TMPRSS7: variants seen among roughly 807,000 people sequenced by gnomAD.
TMPRSS7 encodes the protein transmembrane serine protease 7.
Under a neutral mutation model 95.6 loss-of-function variants are expected in TMPRSS7, and 81 were observed. The ratio of observed to expected loss-of-function variants is 0.85; its 90% CI spans 0.71 to 1.02. The LOEUF is 1.02. Ranked by LOEUF, TMPRSS7 falls within the 50% of genes least tolerant of loss-of-function variation. TMPRSS7 has a pLI of 0.00. For synonymous variants in TMPRSS7, 364 were observed against 337.8 expected, an observed-to-expected ratio of 1.08 and a Z score of -0.85; for missense variants, 945 against 955.2, an observed-to-expected ratio of 0.99 and a Z score of 0.14.
chr3:112,075,704 C>A (rs2073703821), intron 15 of TMPRSS7, among the ~76,000 whole-genome samples: 2 of 152,204 alleles, frequency 1.3e-5, no homozygotes, highest in Admixed American at 6.5e-5. Flanking sequence ...AATGAATAGG[C>A]TTTTACTAAG....
chr3:112,038,513 C>G (rs776856271), intron 2 of TMPRSS7, among the ~76,000 whole-genome samples, 192 bp downstream of exon 2: 1 of 152,154 alleles, frequency 6.6e-6, no homozygotes, highest in Non-Finnish European at 1.5e-5. Context: ...CTCTGTCACC[C>G]AGGCTGGAGT....
intron 1 of TMPRSS7, 40 bp downstream of exon 1, chr3:112,034,933 A>G (rs2107733549): frequency 1.4e-6 from 1 of 702,594 alleles, no homozygotes; most frequent in East Asian, 2.7e-5. Flanking sequence ...CTTGAATGCC[A>G]TTTATTGTTG....
chr3:112,063,601 C>T, exon 12 of TMPRSS7: 1 of 1,614,050 alleles, frequency 6.2e-7, no homozygotes, highest in Non-Finnish European at 8.5e-7. Context: ...GAGTAAATGA[C>T]TGCTTTGATG....
chr3:112,038,073 T>C (rs1443586174), exon 2 of TMPRSS7: 2 of 701,540 alleles, frequency 2.9e-6, no homozygotes, highest in Non-Finnish European at 5.2e-6. Context: ...TTTTTGAAGA[T>C]ATCCAATATC....
At chr3:112,043,448 A>G (rs1364001207) in intron 3 of TMPRSS7, among the ~76,000 whole-genome samples, 1 of 152,156 alleles carries the variant, frequency 6.6e-6, no homozygotes, top group Non-Finnish European at 1.5e-5. Flanking sequence ...ATAGGTGAAA[A>G]AGAAAAAGAA....
chr3:112,075,607 A>C lies in TMPRSS7; in HGVS notation c.1955+115A>C, dbSNP rs954720424. The C allele has an allele frequency of 3.1e-6, 3 of 977,730 alleles. No homozygotes were observed. The African/African-American group carries it at 5.0e-5, about 16-fold the overall frequency. The allele number at this position is 977,730 out of a possible 1,614,324, so 60.6% of individuals were successfully genotyped here. A position where few individuals can be genotyped will look rare whatever the true frequency, so the allele number is the denominator to read the frequency against. ...GGGGACATTCAATCAATTCAATTGC[A>C]CTTTCATTTTTTGGATCCCACGTGT... On this transcript the variant is annotated intron_variant, in intron 15 of 17. Transcript: ENST00000452346.
intron 2 of TMPRSS7, 112 bp from the exon 3 acceptor site, chr3:112,041,808 A>G: frequency 1.5e-6 from 1 of 688,142 alleles, no homozygotes; most frequent in Non-Finnish European, 2.5e-6. Flanking sequence ...GTTAGTATGT[A>G]GCTGCCTAAA....
chr3:112,042,698 G>C (rs1194430864), intron 3 of TMPRSS7, among the ~76,000 whole-genome samples: 1 of 152,130 alleles, frequency 6.6e-6, no homozygotes, highest in Non-Finnish European at 1.5e-5. Flanking sequence ...AGTTACAATA[G>C]ACTCAAAGTT....
intron 3 of TMPRSS7, 44 bp downstream of exon 3, chr3:112,042,094 C>T (rs895614869): frequency 3.3e-6 from 5 of 1,499,502 alleles, no homozygotes; most frequent in African/African-American, 2.8e-5. Context: ...AGTGGGTTTG[C>T]GGGGAGGTGG....
intron 5 of TMPRSS7, among the ~76,000 whole-genome samples, chr3:112,046,477 CAT>C (rs951580174): frequency 7.2e-5 from 11 of 152,054 alleles, no homozygotes; most frequent in African/African-American, 2.7e-4. Context: ...CATATATGAA[CAT>C]GTTATAAGTA....
intron 7 of TMPRSS7, among the ~76,000 whole-genome samples, chr3:112,049,056 C>T (rs977769131): frequency 6.6e-6 from 1 of 152,136 alleles, no homozygotes; most frequent in African/African-American, 2.4e-5. Flanking sequence ...ACAACCCTGC[C>T]GCTTCCGCCA....
exon 2 of TMPRSS7, chr3:112,038,229 C>T (rs1404517189): frequency 1.4e-6 from 1 of 702,816 alleles, no homozygotes; most frequent in Admixed American, 2.0e-5. Context: ...AAAAAAGTTC[C>T]CTTTTGGAAT....
intron 10 of TMPRSS7, among the ~76,000 whole-genome samples, chr3:112,058,777 G>C (rs912896740): frequency 6.6e-6 from 1 of 152,144 alleles, no homozygotes; most frequent in African/African-American, 2.4e-5. Context: ...TGTGTTTATT[G>C]CTGCCTAAGT....
chr3:112,061,765 TC>T, intron 10 of TMPRSS7, 21 bp from the exon 11 acceptor site: 1 of 1,586,458 alleles, frequency 6.3e-7, no homozygotes, highest in African/African-American at 1.4e-5. Context: ...CTGTGTATTC[TC>T]CCCGACTCTT....
intron 1 of TMPRSS7, among the ~76,000 whole-genome samples, chr3:112,036,924 A>G (rs560109608): frequency 1.3e-5 from 2 of 152,304 alleles, no homozygotes; most frequent in East Asian, 3.9e-4. Flanking sequence ...ATGGACATTT[A>G]TCATTTCCCC....
chr3:112,044,124 G>C, intron 3 of TMPRSS7, 131 bp from the exon 4 acceptor site: 1 of 629,424 alleles, frequency 1.6e-6, no homozygotes, highest in Non-Finnish European at 2.8e-6. Flanking sequence ...GGGGTGTGGA[G>C]TTAGGAGCCT....
At chr3:112,050,594 T>A (rs1004550508) in intron 8 of TMPRSS7, 77 bp from the exon 9 acceptor site, 12 of 610,112 alleles carry the variant, frequency 2.0e-5, no homozygotes, top group Non-Finnish European at 3.2e-5. Context: ...GCCTTAGTAA[T>A]TAAAGAAATG....
chr3:112,051,653 TATCTATCTATCTATC>T (rs1362270097), intron 9 of TMPRSS7, among the ~76,000 whole-genome samples: 12 of 90,762 alleles, frequency 1.3e-4, no homozygotes, highest in African/African-American at 4.0e-4. Context: ...TCTATCTATC[TATCTATCTATCTATC>T]ATCTATCTAT....
intron 8 of TMPRSS7, among the ~76,000 whole-genome samples, chr3:112,050,377 G>C (rs1379692409): frequency 1.3e-5 from 2 of 152,096 alleles, no homozygotes; most frequent in African/African-American, 4.8e-5. Flanking sequence ...GCTGCTGCTG[G>C]TGTCTCTGAG....
Sources: allele counts gnomAD v4.1 joint callset (sites outside exome capture counted in the v4.1 genomes callset), GRCh38; gene constraint gnomAD v4.1.1; transcripts MANE v1.5; gene names NCBI Gene and HGNC (gene_info 2026-07-23, HGNC 2026-07-21).